Variants in ZNF250 observed in about 807,000 individuals in gnomAD.
ZNF250 encodes the protein zinc finger protein 250.
ZNF250 carries 13 observed loss-of-function variants against 37.1 expected under a neutral mutation model. That is an observed-to-expected ratio of 0.35 (90% confidence interval 0.23 to 0.56). The LOEUF (loss-of-function observed/expected upper bound fraction) is 0.56. Ranked by LOEUF, ZNF250 falls within the 20% of genes least tolerant of loss-of-function variation. The pLI is 0.87. For missense variants in ZNF250, 474 were observed against 697.9 expected (o/e 0.68, Z 3.61); for synonymous variants, 251 against 265.6 (o/e 0.94, Z 0.54).
rs1831295453 is a variant in ZNF250 at position 144,879,120 on chromosome 8, A to C, written c.*2395T>G. 2 of 152,262 alleles carry C rather than the reference A, an allele frequency of 1.3e-5. No homozygotes were observed. The highest frequency in any genetic ancestry group is 4.1e-4 in the South Asian group (2 of 4,832). The allele number at this position is 152,262 out of a possible 1,614,324, so 9.4% of individuals were successfully genotyped here. On this transcript the variant is annotated 3_prime_UTR_variant, in exon 6 of 6. Transcript: ENST00000417550. ...TCTATCTGAAACAACACCTCACAGA[A>C]TGGCAACACCTCTAAGGTTAACACC...
intron 1 of ZNF250, among the ~76,000 whole-genome samples, chr8:144,896,190 T>G (rs892021713): frequency 1.3e-5 from 2 of 151,586 alleles, no homozygotes; most frequent in Non-Finnish European, 2.9e-5. Flanking sequence ...TGAGACCCCG[T>G]CTCTATAAAA....
chr8:144,887,463 TTC>T (rs1381643712), intron 4 of ZNF250, among the ~76,000 whole-genome samples: 3 of 152,040 alleles, frequency 2.0e-5, no homozygotes, highest in Non-Finnish European at 4.4e-5. Flanking sequence ...GGCAGGTGGC[TTC>T]TGTTTCTATG....
chr8:144,892,560 GT>G (rs1314598331), intron 1 of ZNF250, among the ~76,000 whole-genome samples: 18 of 146,296 alleles, frequency 1.2e-4, no homozygotes, highest in Admixed American at 2.1e-4. Flanking sequence ...TTTTTTGTTT[GT>G]TTTTTTTTTT....
chr8:144,883,344 T>C (rs1455503779), intron 5 of ZNF250, among the ~76,000 whole-genome samples: 2 of 136,856 alleles, frequency 1.5e-5, no homozygotes, highest in African/African-American at 5.1e-5. Context: ...AATAATTTCT[T>C]TTTTTTTTTT....
At chr8:144,899,571 T>C (rs557000040) in intron 1 of ZNF250, among the ~76,000 whole-genome samples, 50 of 152,318 alleles carry the variant, frequency 3.3e-4, no homozygotes, top group African/African-American at 1.2e-3. Context: ...TATTATTTCA[T>C]GTGGGAAGGG....
intron 5 of ZNF250, among the ~76,000 whole-genome samples, chr8:144,883,452 G>A (rs888428404): frequency 2.6e-5 from 4 of 151,736 alleles, no homozygotes; most frequent in Non-Finnish European, 5.9e-5. Flanking sequence ...CGATTCTCGT[G>A]TCTCAGCCTC....
At chr8:144,898,617 A>G (rs1040387534) in intron 1 of ZNF250, among the ~76,000 whole-genome samples, 2 of 152,246 alleles carry the variant, frequency 1.3e-5, no homozygotes, top group East Asian at 3.8e-4. Context: ...AAGCTTCTGT[A>G]CAGGAAAGGA....
At position 144,890,219 on chromosome 8, in the gene ZNF250, C is replaced by T. The variant is rs1421078219; in HGVS notation, c.42+89G>A. ...GCGGAGTTCAGGGCATGTGGTGACGCTCTGGCTGCTCTTAGGAGCTCTACG... is the reference window on the plus strand; with the variant it reads ...GCGGAGTTCAGGGCATGTGGTGACGTTCTGGCTGCTCTTAGGAGCTCTACG... On this transcript the variant is annotated intron_variant, in intron 2 of 5. Coordinates refer to ENST00000417550, the MANE Select transcript of ZNF250 (RefSeq NM_001109689.4). This position sits in a 1 kb window ranked among gnomAD's most constrained non-coding sequence, Gnocchi z 5.1. 4.7e-6 allele frequency: 7 copies of T among 1,498,524 alleles called. No homozygotes were observed. The highest frequency in any genetic ancestry group is 1.7e-4 in the Middle Eastern group (1 of 5,882). The allele number at this position is 1,498,524 out of a possible 1,614,324, so 92.8% of individuals were successfully genotyped here.
chr8:144,886,104 A>G (rs1267916100), intron 5 of ZNF250, among the ~76,000 whole-genome samples: 1 of 152,046 alleles, frequency 6.6e-6, no homozygotes, highest in East Asian at 1.9e-4. Flanking sequence ...CTAAAAAAAA[A>G]AAAAAAAAGT....
rs753994088 is a variant in ZNF250, at chr8:144,882,219, G to A, written c.964C>T (p.Arg322Trp). ...GKAFNHSTVL[R>W]SHQRVHTGEK... ...CCAGTGTGTACCCTCTGGTGGCTCC[G>A]CAGAACAGTGCTATGGTTGAAGGCT... The change falls in exon 6 of 6, where the codon CGG (arginine) becomes TGG (tryptophan). Residue 322 changes from arginine (R) to tryptophan (W), a missense_variant. By Grantham distance (101) the Arg-to-Trp change is moderately radical (BLOSUM62 -3). Coordinates refer to ENST00000417550, the MANE Select transcript of ZNF250 (RefSeq NM_001109689.4). The surrounding 1 kb of genome is among the most constrained non-coding windows in gnomAD (Gnocchi z 5.5). 9 of 1,613,906 alleles carry A rather than the reference G, an allele frequency of 5.6e-6. No homozygotes were observed. Among genetic ancestry groups the A allele is most frequent in the Admixed American group, 1.7e-5 (1 of 59,982 alleles).
chr8:144,896,593 A>G (rs1832742368), intron 1 of ZNF250, among the ~76,000 whole-genome samples: 2 of 152,164 alleles, frequency 1.3e-5, no homozygotes, highest in South Asian at 4.1e-4. Flanking sequence ...GCTTTTAACA[A>G]CACACTCCAT....
At chr8:144,895,778 G>A (rs560464318) in intron 1 of ZNF250, among the ~76,000 whole-genome samples, 2 of 152,006 alleles carry the variant, frequency 1.3e-5, no homozygotes, top group Non-Finnish European at 2.9e-5. Flanking sequence ...GGGAGGCCGA[G>A]GCGGGCGGAT....
intron 1 of ZNF250, among the ~76,000 whole-genome samples, chr8:144,894,179 C>A (rs778717680): frequency 6.6e-6 from 1 of 152,096 alleles, no homozygotes. Flanking sequence ...TCCCACACTT[C>A]TATTCACCTT....
rs1832318398 is a variant in ZNF250 at position 144,891,287 on chromosome 8, A to G, written c.-54-884T>C. Among the ~76,000 whole-genome samples, 2 of 152,192 alleles carry G rather than the reference A, an allele frequency of 1.3e-5. No individual in the cohort carries two copies. Among genetic ancestry groups the G allele is most frequent in the African/African-American group, 4.8e-5 (2 of 41,434 alleles). On this transcript the variant is annotated intron_variant, in intron 1 of 5. Coordinates refer to ENST00000417550, the MANE Select transcript of ZNF250 (RefSeq NM_001109689.4). This position sits in a 1 kb window ranked among gnomAD's most constrained non-coding sequence, Gnocchi z 4.0. ...GTAGATCACTCCAGAAAAACGTGGT[A>G]TAACAAAGCAACCAATCCCCTCACA... is the stretch of plus-strand genomic sequence containing the variant.
At position 144,882,215 on chromosome 8, in the gene ZNF250, C is replaced by A. The variant is rs1487050816; in HGVS notation, c.968G>T (p.Ser323Ile). Residue 323 changes from serine to isoleucine, a missense_variant, in exon 6 of 6, where the codon AGC (serine) becomes ATC (isoleucine). Physicochemically the swap from Ser to Ile is moderately radical, Grantham distance 142. Coordinates refer to ENST00000417550, the MANE Select transcript of ZNF250 (RefSeq NM_001109689.4). The surrounding 1 kb of genome is among the most constrained non-coding windows in gnomAD (Gnocchi z 5.5). ...CTCCCCAGTGTGTACCCTCTGGTGG[C>A]TCCGCAGAACAGTGCTATGGTTGAA... Reference protein sequence around the residue: ...KAFNHSTVLRSHQRVHTGEKP... With the variant: ...KAFNHSTVLRIHQRVHTGEKP... 6.2e-7 allele frequency: 1 copy of A among 1,614,010 alleles called. No homozygotes were observed. Among genetic ancestry groups the A allele is most frequent in the Non-Finnish European group, 8.5e-7 (1 of 1,179,970 alleles).
chr8:144,888,508 A>G (rs1405656892), intron 4 of ZNF250, among the ~76,000 whole-genome samples: 1 of 151,210 alleles, frequency 6.6e-6, no homozygotes, highest in South Asian at 2.1e-4. Flanking sequence ...GAGGCGTAAG[A>G]ATTGCTTGAA....
chr8:144,892,243 C>T (rs1832394659), intron 1 of ZNF250, among the ~76,000 whole-genome samples: 1 of 152,140 alleles, frequency 6.6e-6, no homozygotes, highest in South Asian at 2.1e-4. Flanking sequence ...AGAATTCCAA[C>T]AGAAGTCTTT....
chr8:144,884,344 C>A (rs1485038121), intron 5 of ZNF250, among the ~76,000 whole-genome samples: 3 of 152,172 alleles, frequency 2.0e-5, no homozygotes, highest in Non-Finnish European at 4.4e-5. Flanking sequence ...CTCTGCCTCC[C>A]GGGTTGAAGT....
rs1168323884 is a variant in ZNF250 at position 144,881,927 on chromosome 8, G to A, written c.1256C>T (p.Ala419Val). ...GAAGGCCTTCCCACATTCGTAGCAT[G>A]CATAGGGCTTTTCCTCGGTGTGGAT... ...ERIHTEEKPY[A>V]CYECGKAFVQ... Residue 419 changes from alanine (A) to valine (V), a missense_variant, in exon 6 of 6, where the codon GCA (alanine) becomes GTA (valine). Coordinates refer to ENST00000417550, the MANE Select transcript of ZNF250 (RefSeq NM_001109689.4). 6.2e-7 allele frequency: 1 copy of A among 1,613,298 alleles called. No individual in the cohort carries two copies. The highest frequency in any genetic ancestry group is 8.5e-7 in the Non-Finnish European group (1 of 1,179,826).
Sources: gnomAD v4.1 joint callset for allele counts (sites outside exome capture counted in the v4.1 genomes callset) on GRCh38, gnomAD v4.1.1 for gene constraint, Gnocchi (gnomAD v3.1) non-coding constraint, MANE v1.5 for transcripts, NCBI Gene and HGNC (gene_info 2026-07-23, HGNC 2026-07-21) for gene names.